The following DPH1 variants were observed in gnomAD, a reference collection of about 807,000 sequenced individuals.
DPH1 encodes 2-(3-amino-3-carboxypropyl)histidine synthase subunit 1.
Under a neutral mutation model 55.3 loss-of-function variants are expected in DPH1, and 59 were observed. The observed-to-expected ratio is 1.07, with a 90% CI of 0.87 to 1.33. The LOEUF is 1.33. Among genes scored for constraint, DPH1 ranks in the 40% most tolerant of loss-of-function variants. DPH1 has a pLI of 0.00. For missense variants in DPH1, 628 were observed against 584.8 expected (o/e 1.07, Z -0.76); for synonymous variants, 238 against 235.5 (o/e 1.01, Z -0.10).
rs559978246 is a variant in DPH1 at position 2,042,597 on chromosome 17, C to T, written c.*19-8C>T. Reference sequence around the variant, plus strand: ...CTAATCCCATCCTTTTTCCTCATATCGCTGTAGGGTCCTGCCCTCCGGAGG... The same window carrying T: ...CTAATCCCATCCTTTTTCCTCATATTGCTGTAGGGTCCTGCCCTCCGGAGG... On this transcript the variant is annotated splice_polypyrimidine_tract_variant and splice_region_variant and intron_variant, in intron 12 of 12. Coordinates refer to ENST00000263083, the MANE Select transcript of DPH1 (RefSeq NM_001383.6). 2.0e-6 allele frequency: 3 copies of T among 1,510,462 alleles called. No individual in the cohort carries two copies. Among genetic ancestry groups the T allele is most frequent in the South Asian group, 1.4e-5 (1 of 72,260 alleles). The allele number at this position is 1,510,462 out of a possible 1,614,324, so 93.6% of individuals were successfully genotyped here. A position where few individuals can be genotyped will look rare whatever the true frequency, so the allele number is the denominator to read the frequency against.
Position 2,031,283 on chromosome 17 carries a change from G to A in DPH1, c.61+1053G>A, listed in dbSNP as rs532791269. Among the ~76,000 whole-genome samples the A allele has an allele frequency of 7.2e-5, 11 of 152,164 alleles. No individual in the cohort carries two copies. The South Asian group carries it at 8.3e-4, about 11-fold the overall frequency. On this transcript the variant is annotated intron_variant, in intron 1 of 12. Transcript: ENST00000263083. ...AAATAAAAAATAGCCGTGCGTGGCC[G>A]GGCACGGTGGCTTACACCTGTAATC...
intron 12 of DPH1, 41 bp from the exon 13 acceptor site, chr17:2,042,564 C>G: frequency 6.7e-7 from 1 of 1,498,364 alleles, no homozygotes; most frequent in Non-Finnish European, 8.9e-7. Context: ...CCTGGAGCCT[C>G]CCATGCCCTA....
chr17:2,030,585 G>C (rs1236927190), intron 1 of DPH1, among the ~76,000 whole-genome samples: 2 of 152,194 alleles, frequency 1.3e-5, no homozygotes, highest in Non-Finnish European at 2.9e-5. Context: ...TCAGGGAAGA[G>C]GCAAAAGGTT....
intron 12 of DPH1, chr17:2,042,180 C>T (rs1347947103): frequency 2.8e-6 from 4 of 1,450,700 alleles, no homozygotes; most frequent in Non-Finnish European, 3.6e-6. Flanking sequence ...CCTCAGCGGC[C>T]CGCACCCGGT....
At chr17:2,040,051 G>C (rs2067489829) in intron 7 of DPH1, among the ~76,000 whole-genome samples, 167 bp from the exon 8 acceptor site, 1 of 152,208 alleles carries the variant, frequency 6.6e-6, no homozygotes, top group African/African-American at 2.4e-5. Flanking sequence ...GTCTGCTCCA[G>C]CTGTGGGACA....
At chr17:2,041,741 G>A in intron 11 of DPH1, 27 bp from the exon 12 acceptor site, 1 of 1,593,602 alleles carries the variant, frequency 6.3e-7, no homozygotes, top group Middle Eastern at 1.7e-4. Context: ...GCAGGAGCGA[G>A]ACCCTAACCA....
At position 2,033,660 on chromosome 17, in the gene DPH1, G is replaced by A. The variant is rs770516212; in HGVS notation, c.214+3G>A. 1.2e-6 allele frequency: 2 copies of A among 1,614,006 alleles called. No homozygotes were observed. Among genetic ancestry groups the A allele is most frequent in the South Asian group, 2.2e-5 (2 of 91,090 alleles). ...CCAACAAGCCCAGGCCAAGAAGGGT[G>A]AGCCTGTGATCATTGAGCTGGGGTT... On this transcript the variant is annotated splice_donor_region_variant and intron_variant, in intron 2 of 12. Transcript: ENST00000263083.
rs760236941 is a variant in DPH1 at position 2,036,506 on chromosome 17, C to T, written c.401-23C>T. ...TGCTGCTCCTGCCTTCCCAAACAGC[C>T]CCTGAACTCCTCCCTCCCACAGTTC... On this transcript the variant is annotated intron_variant, in intron 4 of 12. Transcript: ENST00000263083. The surrounding 1 kb of genome is among the most constrained non-coding windows in gnomAD (Gnocchi z 4.8). 1 of 1,612,702 alleles carries T rather than the reference C, an allele frequency of 6.2e-7. No homozygotes were observed. Among genetic ancestry groups the T allele is most frequent in the Non-Finnish European group, 8.5e-7 (1 of 1,179,176 alleles).
In DPH1 at chr17:2,040,136, C is replaced by T. The variant is rs113084028; in HGVS notation, c.750-82C>T. The T allele has an allele frequency of 6.0e-3, 9,394 of 1,563,836 alleles. 38 individuals are homozygous for T. Among genetic ancestry groups the T allele is most frequent in the Non-Finnish European group, 7.1e-3 (8,144 of 1,154,082 alleles). ...CGTGGGGCCTAAAGGTTCAGGAGCCCACGGGGCTGAGTCAGGAGCTGTGTG... is the reference window on the plus strand; with the variant it reads ...CGTGGGGCCTAAAGGTTCAGGAGCCTACGGGGCTGAGTCAGGAGCTGTGTG... On this transcript the variant is annotated intron_variant, in intron 7 of 12. Transcript: ENST00000263083.
intron 1 of DPH1, among the ~76,000 whole-genome samples, chr17:2,030,508 G>A (rs928165888): frequency 2.0e-5 from 3 of 152,166 alleles, no homozygotes; most frequent in Admixed American, 6.5e-5. Context: ...AAATGGACTC[G>A]ACGGGGAGGG....
In DPH1 at chr17:2,033,632, G is replaced by A. The variant is rs747333980; in HGVS notation, c.189G>A (p.Arg63=). The stretch of plus-strand genomic sequence containing the variant: ...TTGAGATCCCCAAGACCATCTGGAG[G>A]ATCCAACAAGCCCAGGCCAAGAAGG... ...YNFEIPKTIW[R]IQQAQAKKVA... is the part of the protein sequence containing the mutation. Residue 63 remains arginine, a synonymous_variant, in exon 2 of 13, where the codon AGG becomes AGA. Transcript: ENST00000263083. 2 of 1,614,226 alleles carry A rather than the reference G, an allele frequency of 1.2e-6. No individual in the cohort carries two copies. Among genetic ancestry groups the A allele is most frequent in the Non-Finnish European group, 1.7e-6 (2 of 1,180,036 alleles).
chr17:2,039,690 T>A, intron 6 of DPH1, 65 bp from the exon 7 acceptor site: 1 of 1,609,426 alleles, frequency 6.2e-7, no homozygotes, highest in African/African-American at 1.3e-5. Context: ...CCTGTGGACT[T>A]CTAAGCCAGC....
intron 6 of DPH1, among the ~76,000 whole-genome samples, chr17:2,038,401 T>C (rs2067458848): frequency 6.6e-6 from 1 of 152,076 alleles, no homozygotes; most frequent in Admixed American, 6.6e-5. Context: ...AAAGTAGCCA[T>C]TGTATGCCCT....
rs1329142522 is a variant in DPH1 at position 2,043,140 on chromosome 17, C to T, written c.*554C>T. 1.9e-6 allele frequency: 3 copies of T among 1,594,412 alleles called. No homozygotes were observed. The highest frequency in any genetic ancestry group is 2.2e-5 in the South Asian group (2 of 89,194). On this transcript the variant is annotated 3_prime_UTR_variant, in exon 13 of 13. Coordinates refer to ENST00000263083, the MANE Select transcript of DPH1 (RefSeq NM_001383.6). ...AATGTCTCTGCTCCTACATCCAGCT[C>T]CTCTAGGGGCAGCCTCCGTCATCCA...
intron 11 of DPH1, 66 bp from the exon 12 acceptor site, chr17:2,041,702 A>AGGAGC (rs762709767): frequency 1.7e-5 from 27 of 1,580,020 alleles, no homozygotes; most frequent in East Asian, 2.3e-5. Flanking sequence ...GGAAACGCAC[A>AGGAGC]GGAGCGGAGC....
intron 9 of DPH1, 164 bp from the exon 10 acceptor site, chr17:2,040,939 G>T (rs187281890): frequency 1.4e-6 from 1 of 727,118 alleles, no homozygotes; most frequent in Non-Finnish European, 2.3e-6. Flanking sequence ...GAGAAAACAC[G>T]CAACAATACA....
rs1387642467 is a variant in DPH1, at chr17:2,043,229, A to G, written c.*643A>G. ...CCTCACCAGAACCAGTTAAGAGACA[A>G]CTATCAATTCTTGAGACCCAAATTA... is the stretch of plus-strand genomic sequence containing the variant. On this transcript the variant is annotated 3_prime_UTR_variant, in exon 13 of 13. Coordinates refer to ENST00000263083, the MANE Select transcript of DPH1 (RefSeq NM_001383.6). 1 of 1,225,050 alleles carries G rather than the reference A, an allele frequency of 8.2e-7. No homozygotes were observed. Among genetic ancestry groups the G allele is most frequent in the Non-Finnish European group, 1.1e-6 (1 of 884,428 alleles). The allele number at this position is 1,225,050 out of a possible 1,614,324, so 75.9% of individuals were successfully genotyped here.
At chr17:2,035,520 T>G (rs2067408366) in intron 3 of DPH1, among the ~76,000 whole-genome samples, 6 of 108,764 alleles carry the variant, frequency 5.5e-5, no homozygotes, top group African/African-American at 6.5e-5. Flanking sequence ...CTGCCTGTGG[T>G]GGGGAGGGAG....
rs1214216145 is a variant in DPH1, at chr17:2,042,855, C to T, written c.*269C>T. On this transcript the variant is annotated 3_prime_UTR_variant, in exon 13 of 13. Transcript: ENST00000263083. The stretch of plus-strand genomic sequence containing the variant: ...CCCGCTTCCCCTTGCCACGGTTTAT[C>T]CTCTTGGTGTCTGGTTTCTGTCCCC... The T allele has an allele frequency of 8.1e-6, 13 of 1,614,050 alleles. No homozygotes were observed. Among genetic ancestry groups the T allele is most frequent in the Non-Finnish European group, 1.1e-5 (13 of 1,180,030 alleles).
Sources: allele counts gnomAD v4.1 joint callset (sites outside exome capture counted in the v4.1 genomes callset), GRCh38; gene constraint gnomAD v4.1.1; non-coding constraint Gnocchi (gnomAD v3.1); transcripts MANE v1.5; gene names NCBI Gene and HGNC (gene_info 2026-07-23, HGNC 2026-07-21).